The following ZMIZ1 variants were observed in gnomAD, a reference collection of about 807,000 sequenced individuals.
ZMIZ1 encodes the protein zinc finger MIZ domain-containing protein 1.
Under a neutral mutation model 113.9 loss-of-function variants are expected in ZMIZ1, and 17 were observed. That is an observed-to-expected ratio of 0.15 (90% confidence interval 0.10 to 0.22). The LOEUF is 0.22. Among genes scored for constraint, ZMIZ1 ranks in the 10% least tolerant of loss-of-function variants. The pLI, the probability that ZMIZ1 is intolerant of heterozygous loss-of-function variation, is 1.00. For synonymous variants in ZMIZ1, 607 were observed against 603.1 expected (o/e 1.01, Z -0.09); for missense variants, 1,059 against 1,477.8 (o/e 0.72, Z 4.65).
Position 79,153,755 on chromosome 10 carries a change from G to A in ZMIZ1, c.-130-8298G>A, listed in dbSNP as rs577128623. Among the ~76,000 whole-genome samples, 11 of 152,364 alleles carry A rather than the reference G, an allele frequency of 7.2e-5. No homozygotes were observed. The South Asian group carries it at 1.0e-3, about 14-fold the overall frequency. On this transcript the variant is annotated intron_variant, in intron 3 of 24. Transcript: ENST00000334512. ...GCTAAGGCCATGTGGCTTGTGAGCC[G>A]GCCAGGATTTCATCCAGGCCTGGGT...
At chr10:79,120,058 A>G (rs1361650146) in intron 2 of ZMIZ1, among the ~76,000 whole-genome samples, 1 of 152,078 alleles carries the variant, frequency 6.6e-6, no homozygotes, top group South Asian at 2.1e-4. Flanking sequence ...TGGGGGGAGA[A>G]TTCTGGGGAG....
At chr10:79,218,599 GTGTGTGTC>G (rs1281179729) in intron 7 of ZMIZ1, among the ~76,000 whole-genome samples, 6 of 151,624 alleles carry the variant, frequency 4.0e-5, no homozygotes, top group Admixed American at 2.6e-4. Flanking sequence ...GTGTGTGTGT[GTGTGTGTC>G]TGTCTGTCTG....
chr10:79,079,653 G>A (rs1842595843), intron 1 of ZMIZ1, among the ~76,000 whole-genome samples: 1 of 152,210 alleles, frequency 6.6e-6, no homozygotes, highest in South Asian at 2.1e-4. Flanking sequence ...GGGGTCCAGG[G>A]AATGATGAGT....
chr10:79,073,778 A>G (rs548857683), intron 1 of ZMIZ1, among the ~76,000 whole-genome samples: 2 of 151,558 alleles, frequency 1.3e-5, no homozygotes, highest in African/African-American at 4.9e-5. Context: ...GCCTCTGGGC[A>G]CTTTCCTTGG....
chr10:79,283,805 C>T (rs1019485287), intron 8 of ZMIZ1, among the ~76,000 whole-genome samples: 14 of 152,226 alleles, frequency 9.2e-5, no homozygotes, highest in African/African-American at 3.4e-4. Context: ...TAAGTTTCAC[C>T]GCAGGGAGGG....
chr10:79,247,147 G>T (rs1850254553), intron 7 of ZMIZ1, among the ~76,000 whole-genome samples: 1 of 152,056 alleles, frequency 6.6e-6, no homozygotes, highest in African/African-American at 2.4e-5. Flanking sequence ...TGAAAATGCG[G>T]TGGCTTTCTG....
At chr10:79,233,355 T>C (rs1218385954) in intron 7 of ZMIZ1, among the ~76,000 whole-genome samples, 1 of 152,250 alleles carries the variant, frequency 6.6e-6, no homozygotes, top group African/African-American at 2.4e-5. Context: ...GATCACTCCC[T>C]GTTGCAGAGG....
intron 22 of ZMIZ1, 98 bp from the exon 23 acceptor site, chr10:79,307,307 A>G (rs1854774384): frequency 7.8e-7 from 1 of 1,277,004 alleles, no homozygotes; most frequent in Non-Finnish European, 1.1e-6. Flanking sequence ...GCAAGAGGAA[A>G]AGGACTTGGC....
chr10:79,125,745 C>T (rs1158475046), intron 2 of ZMIZ1, among the ~76,000 whole-genome samples: 1 of 152,260 alleles, frequency 6.6e-6, no homozygotes, highest in East Asian at 1.9e-4. Context: ...CACAGCCTCT[C>T]TCTCGTGTTG....
At chr10:79,213,399 G>A (rs558672770) in intron 6 of ZMIZ1, among the ~76,000 whole-genome samples, 3 of 152,246 alleles carry the variant, frequency 2.0e-5, no homozygotes, top group East Asian at 1.9e-4. Flanking sequence ...CCTTGAGCAC[G>A]GTCCTGCCCT....
At chr10:79,188,429 G>A (rs1439671227) in intron 4 of ZMIZ1, among the ~76,000 whole-genome samples, 5 of 152,342 alleles carry the variant, frequency 3.3e-5, no homozygotes, top group Admixed American at 1.3e-4. Context: ...AGCCCAGGGC[G>A]CCTTCAGGCA....
intron 5 of ZMIZ1, among the ~76,000 whole-genome samples, chr10:79,204,697 G>T (rs1319969173): frequency 6.6e-6 from 1 of 152,224 alleles, no homozygotes; most frequent in Non-Finnish European, 1.5e-5. Context: ...TTTTAGGTGG[G>T]CTGAGGAGAG....
chr10:79,295,945 G>A (rs988806610), intron 12 of ZMIZ1: 1 of 153,374 alleles, frequency 6.5e-6, no homozygotes, highest in Non-Finnish European at 1.5e-5. Flanking sequence ...TCCTGCACAG[G>A]TGGCAGGTTG....
chr10:79,284,978 G>A (rs1475126441), intron 8 of ZMIZ1, among the ~76,000 whole-genome samples: 2 of 152,110 alleles, frequency 1.3e-5, no homozygotes, highest in Admixed American at 6.5e-5. Flanking sequence ...CTGTCCCTTC[G>A]TGCTAGGCGA....
chr10:79,184,910 C>T (rs1323199223), intron 4 of ZMIZ1, among the ~76,000 whole-genome samples: 2 of 152,246 alleles, frequency 1.3e-5, no homozygotes, highest in East Asian at 3.9e-4. Context: ...GGCTTGCTTC[C>T]AAGCAGTTCC....
chr10:79,218,054 T>C (rs556877082), intron 7 of ZMIZ1, among the ~76,000 whole-genome samples: 2 of 152,190 alleles, frequency 1.3e-5, no homozygotes, highest in Non-Finnish European at 2.9e-5. Flanking sequence ...AAACTTATAG[T>C]CCAGAGCAGG....
intron 2 of ZMIZ1, among the ~76,000 whole-genome samples, chr10:79,121,473 G>A (rs1307905067): frequency 1.3e-5 from 2 of 152,226 alleles, no homozygotes; most frequent in Non-Finnish European, 2.9e-5. Flanking sequence ...TAGAAAGATA[G>A]GCTATTCTCT....
At chr10:79,219,723 T>A (rs1026651189) in intron 7 of ZMIZ1, among the ~76,000 whole-genome samples, 1 of 152,228 alleles carries the variant, frequency 6.6e-6, no homozygotes, top group African/African-American at 2.4e-5. Context: ...CACGTGACAC[T>A]CTGACACTAT....
At position 79,202,468 on chromosome 10, in the gene ZMIZ1, A is replaced by G. The variant is rs574762823; in HGVS notation, c.60+776A>G. On this transcript the variant is annotated intron_variant, in intron 5 of 24. Transcript: ENST00000334512. ...TTTAAAAAAAGAAAAAAAAAGCCAC[A>G]AGACAAGAGGTCCTAGGAAATCATA... Among the ~76,000 whole-genome samples the G allele has an allele frequency of 2.0e-5, 3 of 152,260 alleles. No homozygotes were observed. The East Asian group carries it at 5.8e-4, about 29-fold the overall frequency.
Sources: gnomAD v4.1 joint callset for allele counts (sites outside exome capture counted in the v4.1 genomes callset) on GRCh38, gnomAD v4.1.1 for gene constraint, MANE v1.5 for transcripts, NCBI Gene and HGNC (gene_info 2026-07-23, HGNC 2026-07-21) for gene names.